Variants in DDOST observed in about 807,000 individuals in gnomAD.
DDOST encodes dolichyl-diphosphooligosaccharide--protein glycosyltransferase non-catalytic subunit.
Under a neutral mutation model 47.6 loss-of-function variants are expected in DDOST, and 25 were observed. The ratio of observed to expected loss-of-function variants is 0.53; its 90% CI spans 0.38 to 0.73. The LOEUF (loss-of-function observed/expected upper bound fraction) is 0.73, where lower values mean the gene tolerates loss of function less well. DDOST is among the 30% of genes least tolerant of loss of function. The pLI is 0.00. For missense variants in DDOST, 526 were observed against 573.9 expected (o/e 0.92, Z 0.85); for synonymous variants, 275 against 236.0 (o/e 1.17, Z -1.51).
chr1:20,654,522 C>T, intron 6 of DDOST, 92 bp downstream of exon 6: 1 of 1,388,978 alleles, frequency 7.2e-7, no homozygotes, highest in Non-Finnish European at 1.0e-6. Flanking sequence ...GCCCATGCCC[C>T]ACCCCACCAA....
chr1:20,654,637 A>T lies in DDOST; in HGVS notation c.622T>A (p.Phe208Ile). ...LTGSSTSYSF[F>I]PDKPITQYPH... is the part of the protein sequence containing the mutation. ...ACCTGGGTGATAGGCTTGTCCGGGA[A>T]GAAGGAGTAAGAGGTGGAAGAGCCC... The change falls in exon 6 of 11, where the codon TTC (phenylalanine) becomes ATC (isoleucine). Residue 208 changes from phenylalanine to isoleucine, a missense_variant. Physicochemically the swap from Phe to Ile is conservative, Grantham distance 21. Transcript: ENST00000602624. The T allele has an allele frequency of 6.4e-7, 1 of 1,564,500 alleles. No homozygotes were observed. The highest frequency in any genetic ancestry group is 8.7e-7 in the Non-Finnish European group (1 of 1,153,220).
Position 20,661,294 on chromosome 1 carries a change from C to T in DDOST, c.57G>A (p.Leu19=). 6.2e-7 allele frequency: 1 copy of T among 1,613,880 alleles called. No individual in the cohort carries two copies. Among genetic ancestry groups the T allele is most frequent in the Non-Finnish European group, 8.5e-7 (1 of 1,179,988 alleles). ...AWALFWLLLP[L]LGAVCASGPR... ...GTCCGCTGGCGCAAACCGCGCCAAG[C>T]AAGGGCAGCAGCAACCAAAAGAGGG... is the stretch of plus-strand genomic sequence containing the variant. The change falls in exon 1 of 11, where the codon TTG becomes TTA. Residue 19 remains leucine (L), a synonymous_variant. Coordinates refer to ENST00000602624, the MANE Select transcript of DDOST (RefSeq NM_005216.5).
intron 2 of DDOST, among the ~76,000 whole-genome samples, chr1:20,658,862 T>C (rs55897342): frequency 0.15 from 21,989 of 150,246 alleles, 1,992 homozygotes; most frequent in Middle Eastern, 0.23. Context: ...TTTTCTTTTT[T>C]TTTTTTTTTT....
chr1:20,660,941 G>C lies in DDOST; in HGVS notation c.205C>G (p.Leu69Val). Reference protein sequence around the residue: ...FKTADDPSLSLIKYGEFLYDN... With the variant: ...FKTADDPSLSVIKYGEFLYDN... The stretch of plus-strand genomic sequence containing the variant: ...TAGAGGAATTCCCCATACTTTATGA[G>C]AGACAGGCTGGGGTCATCAGCGGTC... The change falls in exon 2 of 11, where the codon CTC (leucine) becomes GTC (valine). Residue 69 changes from leucine to valine, a missense_variant. Leu to Val is a conservative substitution (Grantham distance 32). Transcript: ENST00000602624. The C allele has an allele frequency of 6.2e-7, 1 of 1,613,986 alleles. No individual in the cohort carries two copies. The highest frequency in any genetic ancestry group is 2.2e-5 in the East Asian group (1 of 44,862).
At chr1:20,656,621 A>C (rs1276349708) in intron 2 of DDOST, among the ~76,000 whole-genome samples, 2 of 152,220 alleles carry the variant, frequency 1.3e-5, no homozygotes, top group Non-Finnish European at 2.9e-5. Flanking sequence ...TGGTCTGAGG[A>C]AGAGCACTTC....
chr1:20,652,161 A>G lies in DDOST; in HGVS notation c.*218T>C, dbSNP rs557987767. 1.7e-5 allele frequency: 8 copies of G among 475,074 alleles called. No homozygotes were observed. In the East Asian group the frequency reaches 3.0e-4, roughly 18 times the overall value. 29.4% of individuals were successfully genotyped at this position (475,074 alleles called of 1,614,324 possible). A position where few individuals can be genotyped will look rare whatever the true frequency, so the allele number is the denominator to read the frequency against. On this transcript the variant is annotated 3_prime_UTR_variant, in exon 11 of 11. Coordinates refer to ENST00000602624, the MANE Select transcript of DDOST (RefSeq NM_005216.5). ...TTAGAAATGAGAGGAGTGACTGCAC[A>G]TAGGAAAAATGCCACTTTTAGCAAT...
chr1:20,655,901 G>A, intron 3 of DDOST, 122 bp from the exon 4 acceptor site: 1 of 911,974 alleles, frequency 1.1e-6, no homozygotes, highest in Non-Finnish European at 1.8e-6. Context: ...ATCCAGCTGG[G>A]CTCAGCCCCA....
intron 1 of DDOST, 44 bp from the exon 2 acceptor site, chr1:20,661,035 G>A (rs2053428863): frequency 6.6e-7 from 1 of 1,526,110 alleles, no homozygotes; most frequent in Non-Finnish European, 9.1e-7. Context: ...GGGACGCGAA[G>A]GGAAACCCCT....
chr1:20,660,924 T>C lies in DDOST; in HGVS notation c.222A>G (p.Glu74=). 2 of 1,613,622 alleles carry C rather than the reference T, an allele frequency of 1.2e-6. No homozygotes were observed. The highest frequency in any genetic ancestry group is 1.7e-6 in the Non-Finnish European group (2 of 1,179,548). Residue 74 remains glutamate (E), a synonymous_variant, in exon 2 of 11, where the codon GAA becomes GAG. Transcript: ENST00000602624. ...AAATGATGAGATTGTCATAGAGGAATTCCCCATACTTTATGAGAGACAGGC... is the reference window on the plus strand; with the variant it reads ...AAATGATGAGATTGTCATAGAGGAACTCCCCATACTTTATGAGAGACAGGC... ...DPSLSLIKYG[E]FLYDNLIIFS... is the part of the protein sequence containing the mutation.
chr1:20,653,571 T>C, intron 8 of DDOST, 56 bp downstream of exon 8: 2 of 1,515,792 alleles, frequency 1.3e-6, no homozygotes, highest in Admixed American at 2.1e-5. Context: ...GCTTCTGAGC[T>C]GAGCTCAGTC....
At chr1:20,655,593 A>T in intron 4 of DDOST, 59 bp from the exon 5 acceptor site, 1 of 1,589,976 alleles carries the variant, frequency 6.3e-7, no homozygotes. Flanking sequence ...GCCAGGGAGA[A>T]CCTCCTCACA....
chr1:20,652,984 G>A lies in DDOST; in HGVS notation c.943-13C>T, dbSNP rs748072642. 6.2e-7 allele frequency: 1 copy of A among 1,613,922 alleles called. No homozygotes were observed. The highest frequency in any genetic ancestry group is 8.5e-7 in the Non-Finnish European group (1 of 1,179,860). ...CGATGCTATACTCCTGAGATAAAAG[G>A]CCAGGTTAGCCAGGGCTGGCCATGA... On this transcript the variant is annotated splice_polypyrimidine_tract_variant and intron_variant, in intron 8 of 10. Coordinates refer to ENST00000602624, the MANE Select transcript of DDOST (RefSeq NM_005216.5).
chr1:20,655,109 C>CTCAG (rs2053353595), intron 5 of DDOST, among the ~76,000 whole-genome samples: 1 of 152,044 alleles, frequency 6.6e-6, no homozygotes. Flanking sequence ...ATCTGCCCAC[C>CTCAG]TCAGCCTCCC....
chr1:20,660,720 G>A (rs1283761567), intron 2 of DDOST, 161 bp downstream of exon 2: 1 of 588,414 alleles, frequency 1.7e-6, no homozygotes, highest in Admixed American at 3.0e-5. Context: ...TACCCTCCTA[G>A]GGTCAGGTCA....
chr1:20,653,462 C>T (rs190576652), intron 8 of DDOST, among the ~76,000 whole-genome samples, 165 bp downstream of exon 8: 36 of 152,318 alleles, frequency 2.4e-4, no homozygotes, highest in African/African-American at 8.4e-4. Flanking sequence ...TCAGTTTTCA[C>T]GCCAGGCTCT....
At chr1:20,655,029 T>C (rs1390156816) in intron 5 of DDOST, among the ~76,000 whole-genome samples, 1 of 152,036 alleles carries the variant, frequency 6.6e-6, no homozygotes, top group East Asian at 1.9e-4. Flanking sequence ...CTGTCTAATT[T>C]TTGTATTTTT....
Position 20,656,098 on chromosome 1 carries a change from C to T in DDOST, c.352+3G>A, listed in dbSNP as rs973660791. ...GCACCAGAACCTCCCAGGTCGGACT[C>T]ACCAATGTCGGAGCTGGCAGCTACC... On this transcript the variant is annotated splice_donor_region_variant and intron_variant, in intron 3 of 10. Transcript: ENST00000602624. The T allele has an allele frequency of 6.2e-7, 1 of 1,612,856 alleles. No individual in the cohort carries two copies. The highest frequency in any genetic ancestry group is 1.1e-5 in the South Asian group (1 of 91,072).
intron 1 of DDOST, 81 bp from the exon 2 acceptor site, chr1:20,661,072 C>A: frequency 1.3e-6 from 2 of 1,482,088 alleles, no homozygotes; most frequent in African/African-American, 1.4e-5. Flanking sequence ...ACCCGCACGC[C>A]AAGCGGCAGG....
At chr1:20,659,041 A>G (rs1440469790) in intron 2 of DDOST, among the ~76,000 whole-genome samples, 1 of 151,470 alleles carries the variant, frequency 6.6e-6, no homozygotes, top group Non-Finnish European at 1.5e-5. Context: ...ATTTTTTTGT[A>G]GAGATGAGGT....
Sources: allele counts gnomAD v4.1 joint callset (sites outside exome capture counted in the v4.1 genomes callset), GRCh38; gene constraint gnomAD v4.1.1; transcripts MANE v1.5; gene names NCBI Gene and HGNC (gene_info 2026-07-23, HGNC 2026-07-21).